Variants in UBE2H observed in about 807,000 individuals in gnomAD.
UBE2H encodes ubiquitin conjugating enzyme E2 H.
UBE2H carries 3 observed loss-of-function variants against 29.0 expected under a neutral mutation model. The observed-to-expected ratio is 0.10, with a 90% CI of 0.05 to 0.27. The LOEUF is 0.27. Ranked by LOEUF, UBE2H falls within the 10% of genes least tolerant of loss-of-function variation. The pLI is 1.00. For synonymous variants in UBE2H, 69 were observed against 82.9 expected, an observed-to-expected ratio of 0.83 and a Z score of 0.91; for missense variants, 68 against 228.2, an observed-to-expected ratio of 0.30 and a Z score of 4.52.
chr7:129,906,126 G>T (rs1341064268), intron 1 of UBE2H, among the ~76,000 whole-genome samples: 1 of 151,928 alleles, frequency 6.6e-6, no homozygotes, highest in Non-Finnish European at 1.5e-5. Flanking sequence ...GGCAATAATA[G>T]ATGAAATCAC....
intron 3 of UBE2H, among the ~76,000 whole-genome samples, chr7:129,863,804 A>G (rs1241377895): frequency 8.8e-6 from 1 of 113,328 alleles, no homozygotes; most frequent in Non-Finnish European, 2.0e-5. Flanking sequence ...TTCCAATACT[A>G]GGTGTTTTTT....
chr7:129,923,065 T>C (rs1444506835), intron 1 of UBE2H, among the ~76,000 whole-genome samples: 1 of 152,038 alleles, frequency 6.6e-6, no homozygotes, highest in Non-Finnish European at 1.5e-5. Context: ...CAAGCCCAGC[T>C]AATTTTTTGT....
At chr7:129,839,505 A>G in intron 5 of UBE2H, 170 bp from the exon 6 acceptor site, 1 of 748,598 alleles carries the variant, frequency 1.3e-6, no homozygotes, top group East Asian at 3.4e-5. Flanking sequence ...TTCAATACCA[A>G]TTTAAACATT....
intron 1 of UBE2H, among the ~76,000 whole-genome samples, chr7:129,935,415 A>T (rs754711153): frequency 9.4e-6 from 1 of 106,216 alleles, no homozygotes; most frequent in African/African-American, 3.4e-5. Flanking sequence ...TGTCTCAAAG[A>T]AAAAAAAAAA....
At chr7:129,852,996 G>A (rs1483663882) in intron 5 of UBE2H, among the ~76,000 whole-genome samples, 1 of 152,196 alleles carries the variant, frequency 6.6e-6, no homozygotes, top group Non-Finnish European at 1.5e-5. Flanking sequence ...AAAGTGCTGG[G>A]ATTACAGGCA....
At chr7:129,855,107 C>T (rs780144340) in intron 5 of UBE2H, among the ~76,000 whole-genome samples, 3 of 152,146 alleles carry the variant, frequency 2.0e-5, no homozygotes, top group Non-Finnish European at 2.9e-5. Context: ...CTGCATATAA[C>T]TGAATGTATT....
chr7:129,923,422 C>A (rs1178160159), intron 1 of UBE2H, among the ~76,000 whole-genome samples: 1 of 152,198 alleles, frequency 6.6e-6, no homozygotes, highest in Non-Finnish European at 1.5e-5. Context: ...TCTGCAATAT[C>A]ATTAATCATA....
chr7:129,857,609 T>C, intron 4 of UBE2H, 46 bp from the exon 5 acceptor site: 1 of 1,587,058 alleles, frequency 6.3e-7, no homozygotes. Flanking sequence ...ATTAGAAAGT[T>C]AGTTGCATGT....
At chr7:129,919,100 T>TAAAAAAAAAAAAA (rs1204331286) in intron 1 of UBE2H, among the ~76,000 whole-genome samples, 10 of 72,138 alleles carry the variant, frequency 1.4e-4, no homozygotes, top group South Asian at 5.9e-4. Context: ...AAAAACAAAG[T>TAAAAAAAAAAAAA]AAAAAAAAAA....
At chr7:129,929,808 G>A (rs537050696) in intron 1 of UBE2H, among the ~76,000 whole-genome samples, 9 of 152,048 alleles carry the variant, frequency 5.9e-5, no homozygotes, top group Non-Finnish European at 1.0e-4. Flanking sequence ...TCAGGCGTTC[G>A]AGACCAGCCT....
At chr7:129,897,788 C>T (rs1181567962) in intron 1 of UBE2H, among the ~76,000 whole-genome samples, 2 of 152,042 alleles carry the variant, frequency 1.3e-5, no homozygotes, top group African/African-American at 4.8e-5. Context: ...CTTGTATAAA[C>T]AGTGTTTAAA....
intron 3 of UBE2H, among the ~76,000 whole-genome samples, chr7:129,878,132 C>A (rs1806183179): frequency 6.6e-6 from 1 of 152,148 alleles, no homozygotes; most frequent in African/African-American, 2.4e-5. Flanking sequence ...GGAACCACAA[C>A]ACAACAGAAA....
chr7:129,948,971 T>C (rs977192355), intron 1 of UBE2H: 12 of 456,732 alleles, frequency 2.6e-5, no homozygotes, highest in Non-Finnish European at 5.3e-5. Context: ...CATCAGCTGT[T>C]TGGTAGCTCC....
At chr7:129,868,842 T>C (rs1320733626) in intron 3 of UBE2H, among the ~76,000 whole-genome samples, 2 of 152,000 alleles carry the variant, frequency 1.3e-5, no homozygotes, top group Non-Finnish European at 2.9e-5. Context: ...CTTCAGCACC[T>C]GGCTTGGCCC....
intron 3 of UBE2H, among the ~76,000 whole-genome samples, chr7:129,868,007 T>C (rs574832944): frequency 6.6e-6 from 1 of 152,286 alleles, no homozygotes; most frequent in South Asian, 2.1e-4. Flanking sequence ...TCTCAAACTG[T>C]GAACAGGTTT....
intron 3 of UBE2H, among the ~76,000 whole-genome samples, chr7:129,875,843 G>C (rs1446797579): frequency 6.6e-6 from 1 of 152,300 alleles, no homozygotes; most frequent in East Asian, 1.9e-4. Flanking sequence ...CGAGAAGTGT[G>C]AGCTATGGCA....
At chr7:129,906,188 G>A (rs532295384) in intron 1 of UBE2H, among the ~76,000 whole-genome samples, 7 of 151,296 alleles carry the variant, frequency 4.6e-5, no homozygotes, top group South Asian at 4.2e-4. Flanking sequence ...GTGAAACCCC[G>A]AGTAAAGCCA....
intron 1 of UBE2H, among the ~76,000 whole-genome samples, chr7:129,885,911 T>C (rs1247996432): frequency 1.3e-5 from 2 of 152,226 alleles, no homozygotes; most frequent in Admixed American, 6.5e-5. Flanking sequence ...CACGTGTATT[T>C]ATGGGAGAGA....
intron 1 of UBE2H, among the ~76,000 whole-genome samples, chr7:129,934,638 T>TAAAAA (rs758214225): frequency 1.5e-5 from 1 of 65,838 alleles, no homozygotes; most frequent in African/African-American, 5.9e-5. Context: ...ACTCCGTCTT[T>TAAAAA]AAAAAAAAAA....
Sources: allele counts gnomAD v4.1 joint callset (sites outside exome capture counted in the v4.1 genomes callset), GRCh38; gene constraint gnomAD v4.1.1; transcripts MANE v1.5; gene names NCBI Gene and HGNC (gene_info 2026-07-23, HGNC 2026-07-21).